SSBP2: variants seen among roughly 807,000 people sequenced by gnomAD.
SSBP2 encodes the protein single stranded DNA binding protein 2, also known as single-stranded DNA-binding protein 2.
SSBP2 carries 17 observed loss-of-function variants against 61.8 expected under a neutral mutation model. That is an observed-to-expected ratio of 0.28 (90% CI 0.19 to 0.41). The LOEUF (loss-of-function observed/expected upper bound fraction) is 0.41, where lower values mean the gene tolerates loss of function less well. Among genes scored for constraint, SSBP2 ranks in the 10% least tolerant of loss-of-function variants. The probability of loss-of-function intolerance (pLI) is 1.00; values close to 1 mark genes in which losing one functional copy is unlikely to be tolerated. For missense variants in SSBP2, 310 were observed against 458.7 expected, an observed-to-expected ratio of 0.68 and a Z score of 2.96; for synonymous variants, 139 against 141.3, an observed-to-expected ratio of 0.98 and a Z score of 0.12.
chr5:81,723,692 G>GT (rs779441457), intron 1 of SSBP2, among the ~76,000 whole-genome samples: 1 of 151,990 alleles, frequency 6.6e-6, no homozygotes, highest in East Asian at 1.9e-4. Flanking sequence ...ACTTACACAA[G>GT]TATCAATTAT....
At chr5:81,603,067 G>C (rs1245683935) in intron 4 of SSBP2, among the ~76,000 whole-genome samples, 1 of 152,160 alleles carries the variant, frequency 6.6e-6, no homozygotes, top group Non-Finnish European at 1.5e-5. Flanking sequence ...ATTACCTATT[G>C]CTGTGTAACA....
chr5:81,744,979 A>T (rs540354506), intron 1 of SSBP2, among the ~76,000 whole-genome samples: 1 of 152,296 alleles, frequency 6.6e-6, no homozygotes, highest in South Asian at 2.1e-4. Context: ...ATTTGAGTCC[A>T]GATGAATTTT....
At chr5:81,459,205 C>T (rs78124123) in intron 10 of SSBP2, among the ~76,000 whole-genome samples, 126 of 152,208 alleles carry the variant, frequency 8.3e-4, no homozygotes, top group Middle Eastern at 3.4e-3. Flanking sequence ...CAGTGCCCAG[C>T]GCTATGAAAT....
At chr5:81,739,515 C>T (rs947109106) in intron 1 of SSBP2, among the ~76,000 whole-genome samples, 1 of 152,162 alleles carries the variant, frequency 6.6e-6, no homozygotes, top group Non-Finnish European at 1.5e-5. Context: ...ATAGTGCTTG[C>T]TACCCAGTGT....
At chr5:81,574,325 C>A (rs989901682) in intron 4 of SSBP2, among the ~76,000 whole-genome samples, 1 of 150,790 alleles carries the variant, frequency 6.6e-6, no homozygotes, top group African/African-American at 2.4e-5. Context: ...ATTAGCCCAA[C>A]TGAAAAAAAA....
rs565488799 is a variant in SSBP2, at chr5:81,537,421, C to A, written c.283-23704G>T. 4.6e-5 allele frequency among the ~76,000 whole-genome samples: 7 copies of A among 152,154 alleles called. No homozygotes were observed. In the South Asian group the frequency reaches 1.5e-3, roughly 32 times the overall value. On this transcript the variant is annotated intron_variant, in intron 4 of 16. Transcript: ENST00000320672. ...GAAAGACATTTCAAAATTTCAGTGACCATCATGAGAAACAGGAGACAGCTT... is the reference window on the plus strand; with the variant it reads ...GAAAGACATTTCAAAATTTCAGTGAACATCATGAGAAACAGGAGACAGCTT...
At chr5:81,456,350 C>CTT (rs34736090) in intron 10 of SSBP2, among the ~76,000 whole-genome samples, 89 of 133,458 alleles carry the variant, frequency 6.7e-4, no homozygotes, top group Middle Eastern at 7.9e-3. Flanking sequence ...CTATTTCTGC[C>CTT]TTTTTTTTTT....
chr5:81,615,400 A>T, intron 4 of SSBP2, 73 bp downstream of exon 4: 1 of 1,049,962 alleles, frequency 9.5e-7, no homozygotes, highest in Non-Finnish European at 1.5e-6. Context: ...TAGATGAGCC[A>T]GTGTATTTTT....
intron 1 of SSBP2, among the ~76,000 whole-genome samples, chr5:81,693,349 T>C (rs1048898283): frequency 2.0e-5 from 3 of 152,088 alleles, no homozygotes; most frequent in Non-Finnish European, 2.9e-5. Flanking sequence ...TTAAAAAGCT[T>C]CTTCACAGCA....
chr5:81,616,285 C>T (rs1387238907), intron 3 of SSBP2: 1 of 146,784 alleles, frequency 6.8e-6, no homozygotes, highest in Non-Finnish European at 1.5e-5. Flanking sequence ...CATTGCCTCA[C>T]CTGGGAAGCG....
intron 1 of SSBP2, among the ~76,000 whole-genome samples, chr5:81,657,559 GA>G (rs1490263597): frequency 2.6e-5 from 4 of 152,120 alleles, no homozygotes; most frequent in Admixed American, 1.3e-4. Context: ...GAATGGGGCA[GA>G]AAAACTAAGT....
intron 4 of SSBP2, among the ~76,000 whole-genome samples, chr5:81,565,910 A>C (rs886617192): frequency 2.6e-5 from 4 of 152,110 alleles, no homozygotes; most frequent in African/African-American, 7.2e-5. Context: ...TAACATGGAG[A>C]CCTCAATTTA....
chr5:81,466,151 C>A (rs1764876744), intron 9 of SSBP2, among the ~76,000 whole-genome samples: 1 of 151,970 alleles, frequency 6.6e-6, no homozygotes, highest in South Asian at 2.1e-4. Flanking sequence ...GGAACACTTT[C>A]ATTACTTTTG....
intron 4 of SSBP2, among the ~76,000 whole-genome samples, chr5:81,578,030 A>C (rs1329199601): frequency 6.6e-6 from 1 of 152,044 alleles, no homozygotes; most frequent in African/African-American, 2.4e-5. Flanking sequence ...GAATTAAGTG[A>C]CTTGCCCAAG....
intron 1 of SSBP2, among the ~76,000 whole-genome samples, chr5:81,747,799 G>A (rs1481153301): frequency 6.6e-6 from 1 of 152,140 alleles, no homozygotes; most frequent in East Asian, 1.9e-4. Flanking sequence ...AGCCAATCAC[G>A]GTTATTTAAT....
In SSBP2 at chr5:81,419,817, T is replaced by C. The variant is rs1761486116; in HGVS notation, c.*687A>G. 1 of 152,264 alleles carries C rather than the reference T, an allele frequency of 6.6e-6. No homozygotes were observed. Among genetic ancestry groups the C allele is most frequent in the Admixed American group, 6.5e-5 (1 of 15,278 alleles). The allele number at this position is 152,264 out of a possible 1,614,324, so 9.4% of individuals were successfully genotyped here. A position where few individuals can be genotyped will look rare whatever the true frequency, so the allele number is the denominator to read the frequency against. On this transcript the variant is annotated 3_prime_UTR_variant, in exon 17 of 17. Transcript: ENST00000320672. ...CAAATAAAAATTAAAAAAATACTTT[T>C]CACTGAAGGTAACTGAGAAATTGTT... is the stretch of plus-strand genomic sequence containing the variant.
At chr5:81,623,617 G>A (rs1313137605) in intron 3 of SSBP2, among the ~76,000 whole-genome samples, 1 of 151,918 alleles carries the variant, frequency 6.6e-6, no homozygotes, top group Non-Finnish European at 1.5e-5. Flanking sequence ...TTACAGGCTT[G>A]AGCCACCGCG....
chr5:81,540,776 A>C (rs750668063), intron 4 of SSBP2, among the ~76,000 whole-genome samples: 1 of 152,116 alleles, frequency 6.6e-6, no homozygotes, highest in Non-Finnish European at 1.5e-5. Context: ...TATTCACTTT[A>C]TTGTGGTGCT....
intron 4 of SSBP2, among the ~76,000 whole-genome samples, chr5:81,539,702 T>C (rs954169280): frequency 3.3e-5 from 5 of 152,134 alleles, no homozygotes; most frequent in African/African-American, 4.8e-5. Context: ...AGCAAAAAGA[T>C]TTTGACTCAC....
Sources: allele counts gnomAD v4.1 joint callset (sites outside exome capture counted in the v4.1 genomes callset), GRCh38; gene constraint gnomAD v4.1.1; transcripts MANE v1.5; gene names NCBI Gene and HGNC (gene_info 2026-07-23, HGNC 2026-07-21).